GDF6: variants seen among roughly 807,000 people sequenced by gnomAD.
The protein encoded by GDF6 is growth differentiation factor 6.
In GDF6, 3 loss-of-function variants were observed where a neutral mutation model predicts 32.4. The observed-to-expected ratio is 0.09, with a 90% CI of 0.04 to 0.24. GDF6 has a LOEUF of 0.24. Among genes scored for constraint, GDF6 ranks in the 10% least tolerant of loss-of-function variants. The probability of loss-of-function intolerance (pLI) is 1.00; values close to 1 mark genes in which losing one functional copy is unlikely to be tolerated. For missense variants in GDF6, 589 were observed against 637.9 expected (o/e 0.92, Z 0.83); for synonymous variants, 296 against 295.3 (o/e 1.00, Z -0.03).
At chr8:96,153,872 G>T (rs1006184554) in intron 1 of GDF6, among the ~76,000 whole-genome samples, 3 of 152,074 alleles carry the variant, frequency 2.0e-5, no homozygotes, top group Admixed American at 2.0e-4. Context: ...GGGAGGAAGG[G>T]AGAGCCGCAA....
Position 96,156,407 on chromosome 8 carries a change from TC to T in GDF6, c.406+3879del, listed in dbSNP as rs1446988518. Among the ~76,000 whole-genome samples, 76 of 111,408 alleles carry T rather than the reference TC, an allele frequency of 6.8e-4. No individual in the cohort carries two copies. The South Asian group carries it at 0.022, about 33-fold the overall frequency. 73.1% of individuals were successfully genotyped at this position (111,408 alleles called of 152,430 possible). ...CTCTCTCTCTCTCTCTCTCTCTCTT[TC>T]CCTCTCTCTCTCTCTCTCTGTCTCT... On this transcript the variant is annotated intron_variant, in intron 1 of 1. Coordinates refer to ENST00000287020, the MANE Select transcript of GDF6 (RefSeq NM_001001557.4).
rs1324315897 is a variant in GDF6 at position 96,160,794 on chromosome 8, G to T, written c.-102C>A. On this transcript the variant is annotated 5_prime_UTR_variant, in exon 1 of 2. Transcript: ENST00000287020. ...GCGGCCGGGGCCCGGCTCCTCGGGC[G>T]GACTCGGAGTGCGAGGAGCCGGGTC... 5.1e-6 allele frequency: 6 copies of T among 1,165,496 alleles called. No homozygotes were observed. The highest frequency in any genetic ancestry group is 7.2e-6 in the Non-Finnish European group (6 of 831,720). The allele number at this position is 1,165,496 out of a possible 1,614,324, so 72.2% of individuals were successfully genotyped here. A position where few individuals can be genotyped will look rare whatever the true frequency, so the allele number is the denominator to read the frequency against.
At chr8:96,157,150 A>G (rs1376705868) in intron 1 of GDF6, among the ~76,000 whole-genome samples, 2 of 152,200 alleles carry the variant, frequency 1.3e-5, no homozygotes, top group East Asian at 3.8e-4. Flanking sequence ...AATCGTGGTT[A>G]CTATTATTAC....
chr8:96,144,823 C>T lies in GDF6; in HGVS notation c.1108G>A (p.Asp370Asn), dbSNP rs1408241682. The change falls in exon 2 of 2, where the codon GAC becomes AAC. Residue 370 changes from aspartate (D) to asparagine (N), a missense_variant. Physicochemically the swap from Asp to Asn is conservative, Grantham distance 23. This residue lies in a region of GDF6 where 153 missense variants were observed against 226.7 expected (regional missense o/e 0.67). Transcript: ENST00000287020. The surrounding 1 kb of genome is among the most constrained non-coding windows in gnomAD (Gnocchi z 5.1). ...HVNFKELGWD[D>N]WIIAPLEYEA... ...TACTCCAGGGGCGCGATAATCCAGT[C>T]GTCCCAGCCCAGCTCCTTGAAGTTC... 6.2e-7 allele frequency: 1 copy of T among 1,613,980 alleles called. No homozygotes were observed. The highest frequency in any genetic ancestry group is 1.3e-5 in the African/African-American group (1 of 74,920).
chr8:96,145,280 C>T lies in GDF6; in HGVS notation c.651G>A (p.Val217=). The T allele has an allele frequency of 6.5e-7, 1 of 1,527,610 alleles. No homozygotes were observed. The highest frequency in any genetic ancestry group is 2.5e-5 in the East Asian group (1 of 40,704). 94.6% of individuals were successfully genotyped at this position (1,527,610 alleles called of 1,614,324 possible). Residue 217 remains valine (V), a synonymous_variant, in exon 2 of 2, where the codon GTG becomes GTA. Coordinates refer to ENST00000287020, the MANE Select transcript of GDF6 (RefSeq NM_001001557.4). This position sits in a 1 kb window ranked among gnomAD's most constrained non-coding sequence, Gnocchi z 5.6. ...APPAGWEVFD[V]WQGLRHQPWK... ...AGGGCTGGTGGCGCAGGCCCTGCCACACGTCGAAGACTTCCCAGCCGGCCG... is the reference window on the plus strand; with the variant it reads ...AGGGCTGGTGGCGCAGGCCCTGCCATACGTCGAAGACTTCCCAGCCGGCCG...
rs1167417642 is a variant in GDF6, at chr8:96,145,475, C to T, written c.456G>A (p.Val152=). The change falls in exon 2 of 2, where the codon GTG becomes GTA. Residue 152 remains valine (V), a synonymous_variant. Transcript: ENST00000287020. The surrounding 1 kb of genome is among the most constrained non-coding windows in gnomAD (Gnocchi z 5.6). ...PLRRQKYLFD[V]SMLSDKEELV... is the part of the protein sequence containing the mutation. Reference sequence around the variant, plus strand: ...GCTCTTCTTTGTCTGAGAGCATGGACACATCAAACAAATACTTCTGTCTCC... The same window carrying T: ...GCTCTTCTTTGTCTGAGAGCATGGATACATCAAACAAATACTTCTGTCTCC... 8.1e-6 allele frequency: 13 copies of T among 1,597,868 alleles called. No individual in the cohort carries two copies. Among genetic ancestry groups the T allele is most frequent in the South Asian group, 1.1e-5 (1 of 91,068 alleles).
At chr8:96,149,901 C>A (rs1812539256) in intron 1 of GDF6, among the ~76,000 whole-genome samples, 1 of 152,156 alleles carries the variant, frequency 6.6e-6, no homozygotes, top group Non-Finnish European at 1.5e-5. Context: ...GGGAGGGACA[C>A]GTAGCTGCAG....
At chr8:96,150,574 C>T (rs1044293527) in intron 1 of GDF6, among the ~76,000 whole-genome samples, 4 of 152,264 alleles carry the variant, frequency 2.6e-5, no homozygotes, top group African/African-American at 9.6e-5. Context: ...GTGATACTCA[C>T]TTATAGATGA....
At chr8:96,153,631 G>A (rs1202140434) in intron 1 of GDF6, among the ~76,000 whole-genome samples, 1 of 152,232 alleles carries the variant, frequency 6.6e-6, no homozygotes, top group Non-Finnish European at 1.5e-5. Context: ...ACTGCCATCG[G>A]AGCTGGAATA....
At chr8:96,154,282 C>CGCGA (rs1563512429) in intron 1 of GDF6, among the ~76,000 whole-genome samples, 11 of 152,136 alleles carry the variant, frequency 7.2e-5, no homozygotes, top group African/African-American at 2.7e-4. Flanking sequence ...GCCGCGCGCG[C>CGCGA]TTCCCTAGGA....
At position 96,144,514 on chromosome 8, in the gene GDF6, G is replaced by A. The variant is rs1812434351; in HGVS notation, c.*49C>T. On this transcript the variant is annotated 3_prime_UTR_variant, in exon 2 of 2. Transcript: ENST00000287020. The surrounding 1 kb of genome is among the most constrained non-coding windows in gnomAD (Gnocchi z 5.1). ...TGCAGCCAGGCCTCCCCTGCAAGGC[G>A]GACCTTGGCCCACCTTGGTTCCGGG... The A allele has an allele frequency of 2.5e-6, 4 of 1,601,670 alleles. No individual in the cohort carries two copies. The highest frequency in any genetic ancestry group is 1.7e-5 in the Admixed American group (1 of 58,304).
rs1189198021 is a variant in GDF6, at chr8:96,145,834, A to C, written c.407-310T>G. 5.9e-5 allele frequency among the ~76,000 whole-genome samples: 9 copies of C among 152,074 alleles called. No individual in the cohort carries two copies. Among genetic ancestry groups the C allele is most frequent in the Admixed American group, 5.9e-4 (9 of 15,270 alleles). ...CCCCCCAAAAGGCTTCGTAACCACT[A>C]ATGTGCCCTTTGTGGTCTCAAGCCT... On this transcript the variant is annotated intron_variant, in intron 1 of 1. Transcript: ENST00000287020. The surrounding 1 kb of genome is among the most constrained non-coding windows in gnomAD (Gnocchi z 5.6).
chr8:96,160,574 G>T lies in GDF6; in HGVS notation c.119C>A (p.Thr40Asn). Reference protein sequence around the residue: ...SSSSSAELGSTKGMRSRKEGK... With the variant: ...SSSSSAELGSNKGMRSRKEGK... ...TTCCTTGCGGCTTCGCATGCCCTTG[G>T]TGGAACCCAGCTCGGCGGACGACGA... The change falls in exon 1 of 2, where the codon ACC becomes AAC. Residue 40 changes from threonine (T) to asparagine (N), a missense_variant. Coordinates refer to ENST00000287020, the MANE Select transcript of GDF6 (RefSeq NM_001001557.4). The T allele has an allele frequency of 6.2e-7, 1 of 1,613,696 alleles. No individual in the cohort carries two copies. The highest frequency in any genetic ancestry group is 8.5e-7 in the Non-Finnish European group (1 of 1,179,718).
At chr8:96,146,155 GGCGGT>G (rs1350252316) in intron 1 of GDF6, among the ~76,000 whole-genome samples, 1 of 152,110 alleles carries the variant, frequency 6.6e-6, no homozygotes, top group Non-Finnish European at 1.5e-5. Context: ...CAGTGCCTAG[GGCGGT>G]TCCTGACCTG....
At position 96,144,202 on chromosome 8, in the gene GDF6, C is replaced by T. The variant is rs1267248850; in HGVS notation, c.*361G>A. The T allele has an allele frequency of 1.7e-5, 4 of 240,592 alleles. No individual in the cohort carries two copies. The highest frequency in any genetic ancestry group is 3.2e-5 in the Non-Finnish European group (4 of 123,452). The allele number at this position is 240,592 out of a possible 1,614,324, so 14.9% of individuals were successfully genotyped here. A position where few individuals can be genotyped will look rare whatever the true frequency, so the allele number is the denominator to read the frequency against. ...CATCTCTCCTCCCCTCCCCTTCTAT[C>T]AAAGCCTGTAAGACACATAAGGAAA... On this transcript the variant is annotated 3_prime_UTR_variant, in exon 2 of 2. Coordinates refer to ENST00000287020, the MANE Select transcript of GDF6 (RefSeq NM_001001557.4). This position sits in a 1 kb window ranked among gnomAD's most constrained non-coding sequence, Gnocchi z 5.1.
rs368712395 is a variant in GDF6, at chr8:96,160,513, C to G, written c.180G>C (p.Ala60=). The G allele has an allele frequency of 1.2e-6, 2 of 1,613,034 alleles. No individual in the cohort carries two copies. The highest frequency in any genetic ancestry group is 1.7e-5 in the Admixed American group (1 of 59,972). ...GCTGTGGTTCCTGGCCCTCCCGGCC[C>G]GCGTCACTGTCGCGCGGCGCCCGCT... The part of the protein sequence containing the change: ...KMQRAPRDSD[A]GREGQEPQPR... The change falls in exon 1 of 2, where the codon GCG becomes GCC. Residue 60 remains alanine (A), a synonymous_variant. Coordinates refer to ENST00000287020, the MANE Select transcript of GDF6 (RefSeq NM_001001557.4).
chr8:96,145,231 G>T lies in GDF6; in HGVS notation c.700C>A (p.Arg234=), dbSNP rs889118413. 15 of 1,515,128 alleles carry T rather than the reference G, an allele frequency of 9.9e-6. No individual in the cohort carries two copies. The African/African-American group carries it at 2.0e-4, about 20-fold the overall frequency. The allele number at this position is 1,515,128 out of a possible 1,614,324, so 93.9% of individuals were successfully genotyped here. ...GCGTCCAGCTCGCCCCATGCGGCCC[G>T]CAGCTCCAAGCACAGCTGCTTCCAG... The part of the protein sequence containing the change: ...QPWKQLCLEL[R]AAWGELDAGE... Residue 234 remains arginine (R), a synonymous_variant, in exon 2 of 2, where the codon CGG becomes AGG. Coordinates refer to ENST00000287020, the MANE Select transcript of GDF6 (RefSeq NM_001001557.4). This position sits in a 1 kb window ranked among gnomAD's most constrained non-coding sequence, Gnocchi z 5.6.
At chr8:96,156,267 G>T (rs528376784) in intron 1 of GDF6, among the ~76,000 whole-genome samples, 367 of 152,224 alleles carry the variant, frequency 2.4e-3, no homozygotes, top group Non-Finnish European at 4.2e-3. Context: ...ACTCATTTCG[G>T]TTCTCTCATT....
At chr8:96,155,442 C>G (rs1257410648) in intron 1 of GDF6, among the ~76,000 whole-genome samples, 1 of 152,216 alleles carries the variant, frequency 6.6e-6, no homozygotes, top group Non-Finnish European at 1.5e-5. Context: ...CTTACTTATT[C>G]GAACCAGAAG....
Sources: gnomAD v4.1 joint callset for allele counts (sites outside exome capture counted in the v4.1 genomes callset) on GRCh38, gnomAD v4.1.1 for gene constraint, gnomAD v4.1.1 regional missense constraint, Gnocchi (gnomAD v3.1) non-coding constraint, MANE v1.5 for transcripts, NCBI Gene and HGNC (gene_info 2026-07-23, HGNC 2026-07-21) for gene names.